KIAA0586: variants seen among roughly 807,000 people sequenced by gnomAD.
The protein encoded by KIAA0586 is protein TALPID3.
KIAA0586 carries 144 observed loss-of-function variants against 169.8 expected under a neutral mutation model. The observed-to-expected ratio is 0.85, with a 90% CI of 0.74 to 0.97. The LOEUF (loss-of-function observed/expected upper bound fraction) is 0.97. Ranked by LOEUF, KIAA0586 falls within the 50% of genes least tolerant of loss-of-function variation. KIAA0586 has a pLI of 0.00. For synonymous variants in KIAA0586, 625 were observed against 612.4 expected, an observed-to-expected ratio of 1.02 and a Z score of -0.30; for missense variants, 1,854 against 1,823.0, an observed-to-expected ratio of 1.02 and a Z score of -0.31.
the KIAA0586 span, among the ~76,000 whole-genome samples, chr14:58,558,031 G>T: frequency 1.4e-5 from 2 of 142,356 alleles, no homozygotes; most frequent in Non-Finnish European, 3.0e-5. Flanking sequence ...CACCTCATCC[G>T]CCTGAGGAGC....
intron 24 of KIAA0586, among the ~76,000 whole-genome samples, chr14:58,489,894 C>A (rs1255887960): frequency 6.6e-6 from 1 of 151,868 alleles, no homozygotes; most frequent in African/African-American, 2.4e-5. Flanking sequence ...ATGAGAATAC[C>A]CGTTTCTCAA....
At position 58,519,364 on chromosome 14, in the gene KIAA0586, A is replaced by T. The variant is rs376484998; in HGVS notation, c.4429+6737A>T. 2.6e-5 allele frequency among the ~76,000 whole-genome samples: 4 copies of T among 152,184 alleles called. 1 individual carries two copies. Reference sequence around the variant, plus strand: ...AGGAAGTCTTCCTGCCCCAGCTTCCATGTAGCTAGGACTACAGGTGTGTGC... The same window carrying T: ...AGGAAGTCTTCCTGCCCCAGCTTCCTTGTAGCTAGGACTACAGGTGTGTGC... On this transcript the variant is annotated intron_variant, in intron 29 of 30. Coordinates refer to ENST00000652326, the MANE Select transcript of KIAA0586 (RefSeq NM_001329943.3).
intron 30 of KIAA0586, among the ~76,000 whole-genome samples, chr14:58,541,925 T>C (rs1208846553): frequency 6.6e-6 from 1 of 152,206 alleles, no homozygotes; most frequent in Non-Finnish European, 1.5e-5. Flanking sequence ...GAGTAATGAC[T>C]TGACTGTGCA....
intron 4 of KIAA0586, among the ~76,000 whole-genome samples, chr14:58,437,337 G>T (rs1015096706): frequency 6.6e-6 from 1 of 152,198 alleles, no homozygotes; most frequent in Non-Finnish European, 1.5e-5. Flanking sequence ...CCTTGTGGGG[G>T]ATAACTTATT....
At chr14:58,477,350 A>G in intron 20 of KIAA0586, 109 bp downstream of exon 20, 1 of 632,532 alleles carries the variant, frequency 1.6e-6, no homozygotes, top group Non-Finnish European at 2.8e-6. Flanking sequence ...ACAAAAGGTA[A>G]GCTCTTCTAA....
At chr14:58,509,145 G>A (rs995050772) in intron 28 of KIAA0586, among the ~76,000 whole-genome samples, 2 of 152,082 alleles carry the variant, frequency 1.3e-5, no homozygotes, top group South Asian at 2.1e-4. Flanking sequence ...GCTTGTGCCC[G>A]GGAGGCAGAA....
Position 58,428,481 on chromosome 14 carries a change from GT to G in KIAA0586, c.199+23del, listed in dbSNP as rs537837939. The G allele has an allele frequency of 2.4e-4, 376 of 1,561,508 alleles. 1 individual carries two copies. Among genetic ancestry groups the G allele is most frequent in the Non-Finnish European group, 2.9e-4 (333 of 1,134,018 alleles). On this transcript the variant is annotated intron_variant, in intron 1 of 30. Coordinates refer to ENST00000652326, the MANE Select transcript of KIAA0586 (RefSeq NM_001329943.3). ...ATCACGTGGTATGTGATTCCATGTA[GT>G]TTTTCAACCAGTTTTAGTTTAGTAA...
intron 29 of KIAA0586, among the ~76,000 whole-genome samples, chr14:58,517,485 G>A (rs1373226671): frequency 1.3e-5 from 2 of 152,154 alleles, no homozygotes; most frequent in Non-Finnish European, 2.9e-5. Flanking sequence ...GTGTTGGTGA[G>A]GATATAGATC....
intron 4 of KIAA0586, chr14:58,440,898 G>A (rs929653711): frequency 1.3e-5 from 2 of 154,018 alleles, no homozygotes; most frequent in African/African-American, 2.4e-5. Flanking sequence ...CTTAGACAGG[G>A]TTAATACATT....
intron 26 of KIAA0586, among the ~76,000 whole-genome samples, chr14:58,496,223 A>C (rs1343171270): frequency 6.6e-6 from 1 of 152,212 alleles, no homozygotes; most frequent in African/African-American, 2.4e-5. Flanking sequence ...ATTATAGGCA[A>C]CCTGACTTAA....
Position 58,427,816 on chromosome 14 carries a change from G to T in KIAA0586, c.-449G>T, listed in dbSNP as rs2036956886. 1 of 1,472,146 alleles carries T rather than the reference G, an allele frequency of 6.8e-7. No individual in the cohort carries two copies. The highest frequency in any genetic ancestry group is 1.3e-5 in the South Asian group (1 of 74,860). 91.2% of individuals were successfully genotyped at this position (1,472,146 alleles called of 1,614,324 possible). ...TTCCGACGATTGCATCTGGAGGGGT[G>T]TGTAAGACTCTGTGGCTGAAGAAAG... On this transcript the variant is annotated 5_prime_UTR_variant, in exon 1 of 31. Coordinates refer to ENST00000652326, the MANE Select transcript of KIAA0586 (RefSeq NM_001329943.3).
intron 4 of KIAA0586, among the ~76,000 whole-genome samples, chr14:58,439,434 G>A (rs1037014775): frequency 6.6e-5 from 10 of 152,124 alleles, no homozygotes; most frequent in South Asian, 2.1e-4. Context: ...TGATCCGCCC[G>A]CCTCAGCCTC....
chr14:58,428,812 C>T (rs1182459969), intron 1 of KIAA0586, among the ~76,000 whole-genome samples: 2 of 151,466 alleles, frequency 1.3e-5, no homozygotes, highest in African/African-American at 4.9e-5. Context: ...TTACCTAATT[C>T]ACTACTTTCT....
chr14:58,515,093 C>T (rs1380279574), intron 29 of KIAA0586, among the ~76,000 whole-genome samples: 2 of 151,308 alleles, frequency 1.3e-5, no homozygotes, highest in Non-Finnish European at 1.5e-5. Context: ...ATTACAAAGT[C>T]AAACATACTA....
At chr14:58,429,922 T>C (rs531394558) in intron 2 of KIAA0586, among the ~76,000 whole-genome samples, 6 of 152,194 alleles carry the variant, frequency 3.9e-5, no homozygotes, top group Non-Finnish European at 7.4e-5. Context: ...TACAATGTTT[T>C]GGTTATGAGA....
In KIAA0586 at chr14:58,482,712, G is replaced by A. The variant is rs540255320; in HGVS notation, c.3144G>A (p.Pro1048=). 7.8e-6 allele frequency: 12 copies of A among 1,543,112 alleles called. No individual in the cohort carries two copies. Among genetic ancestry groups the A allele is most frequent in the Middle Eastern group, 1.7e-4 (1 of 5,758 alleles). ...GDASTNETYL[P]ARVCTPLPTP... ...CTTCAACAAATGAAACATATTTGCC[G>A]GTATGGGGAATTTTTGAGACATTTA... Residue 1048 remains proline (P), a splice_region_variant and synonymous_variant, in exon 21 of 31, where the codon CCG becomes CCA. Coordinates refer to ENST00000652326, the MANE Select transcript of KIAA0586 (RefSeq NM_001329943.3).
At position 58,453,372 on chromosome 14, in the gene KIAA0586, A is replaced by C. The variant is rs963677243; in HGVS notation, c.1152A>C (p.Gln384His). ...CAGGAAATGTAAGACTATTGGAACA[A>C]ATTTTGAATAATAATGATTCTTTGA... ...CHRGNVRLLEQILNNNDSLTR... is the reference protein window; with the variant it reads ...CHRGNVRLLEHILNNNDSLTR... Residue 384 changes from glutamine (Q) to histidine (H), a missense_variant, in exon 9 of 31, where the codon CAA becomes CAC. By Grantham distance (24) the Gln-to-His change is conservative. Coordinates refer to ENST00000652326, the MANE Select transcript of KIAA0586 (RefSeq NM_001329943.3). 4 of 1,384,462 alleles carry C rather than the reference A, an allele frequency of 2.9e-6. No homozygotes were observed. The highest frequency in any genetic ancestry group is 2.9e-5 in the African/African-American group (2 of 68,174). The allele number at this position is 1,384,462 out of a possible 1,614,324, so 85.8% of individuals were successfully genotyped here.
intron 20 of KIAA0586, among the ~76,000 whole-genome samples, 173 bp from the exon 21 acceptor site, chr14:58,482,340 C>G (rs1287858127): frequency 6.6e-6 from 1 of 151,886 alleles, no homozygotes; most frequent in Non-Finnish European, 1.5e-5. Flanking sequence ...GCAGGAGAAT[C>G]GCTTGAATCT....
chr14:58,556,642 G>T, the KIAA0586 span, among the ~76,000 whole-genome samples: 2 of 152,044 alleles, frequency 1.3e-5, no homozygotes, highest in Non-Finnish European at 2.9e-5. Context: ...GTTTATTTTT[G>T]AATTTCATGT....
Sources: gnomAD v4.1 joint callset for allele counts (sites outside exome capture counted in the v4.1 genomes callset) on GRCh38, gnomAD v4.1.1 for gene constraint, MANE v1.5 for transcripts, NCBI Gene and HGNC (gene_info 2026-07-23, HGNC 2026-07-21) for gene names.